Variants in FBN2 observed in about 807,000 individuals in gnomAD.
FBN2 encodes fibrillin 2.
A neutral mutation model predicts 355.6 loss-of-function variants in FBN2; 105 were observed. That is an observed-to-expected ratio of 0.30 (90% CI 0.25 to 0.35). FBN2 has a LOEUF of 0.35. Among genes scored for constraint, FBN2 ranks in the 10% least tolerant of loss-of-function variants. The pLI is 1.00. For synonymous variants in FBN2, 1,350 were observed against 1,301.2 expected, an observed-to-expected ratio of 1.04 and a Z score of -0.81; for missense variants, 3,280 against 3,758.7, an observed-to-expected ratio of 0.87 and a Z score of 3.33.
chr5:128,394,552 C>G (rs548782477), intron 9 of FBN2, among the ~76,000 whole-genome samples: 19 of 152,190 alleles, frequency 1.2e-4, no homozygotes, highest in Admixed American at 5.9e-4. Context: ...GATGAAAGAT[C>G]AGGAGGTTTA....
chr5:128,439,488 C>T (rs1753860968), intron 7 of FBN2, among the ~76,000 whole-genome samples: 1 of 152,104 alleles, frequency 6.6e-6, no homozygotes, highest in Non-Finnish European at 1.5e-5. Flanking sequence ...TCTAAATACA[C>T]TCTGCTTATA....
intron 7 of FBN2, among the ~76,000 whole-genome samples, chr5:128,433,287 C>T (rs984003355): frequency 6.6e-6 from 1 of 152,122 alleles, no homozygotes; most frequent in Non-Finnish European, 1.5e-5. Flanking sequence ...CTTCCTCTAT[C>T]AGAGGATTGG....
At chr5:128,401,901 AGAGGACT>A (rs1561438768) in intron 8 of FBN2, among the ~76,000 whole-genome samples, 1 of 152,356 alleles carries the variant, frequency 6.6e-6, no homozygotes, top group East Asian at 1.9e-4. Context: ...AGGCAGCAAC[AGAGGACT>A]GCAAAGTAAA....
At chr5:128,297,727 T>G (rs1263394206) in intron 48 of FBN2, among the ~76,000 whole-genome samples, 2 of 152,194 alleles carry the variant, frequency 1.3e-5, no homozygotes, top group Non-Finnish European at 2.9e-5. Context: ...AGCCTATGTG[T>G]GTCTCTGCCC....
intron 5 of FBN2, among the ~76,000 whole-genome samples, chr5:128,518,501 A>G (rs992095080): frequency 6.6e-6 from 1 of 152,100 alleles, no homozygotes; most frequent in Admixed American, 6.6e-5. Context: ...GGAAGCTTAA[A>G]TCATCTCCTG....
At chr5:128,534,523 G>A (rs549393406) in intron 2 of FBN2, among the ~76,000 whole-genome samples, 22 of 152,262 alleles carry the variant, frequency 1.4e-4, no homozygotes, top group Middle Eastern at 3.4e-3. Context: ...TTGTAGATAC[G>A]TCTTGACACA....
intron 5 of FBN2, among the ~76,000 whole-genome samples, chr5:128,485,191 T>G (rs1019562529): frequency 6.6e-6 from 1 of 151,986 alleles, no homozygotes; most frequent in East Asian, 1.9e-4. Flanking sequence ...GCACAGCTAA[T>G]TTTTTATTTT....
intron 5 of FBN2, among the ~76,000 whole-genome samples, chr5:128,499,353 G>T (rs999144780): frequency 4.6e-5 from 7 of 152,082 alleles, no homozygotes; most frequent in African/African-American, 1.7e-4. Context: ...AAAATGCCCT[G>T]GGGTACTTTG....
intron 7 of FBN2, among the ~76,000 whole-genome samples, chr5:128,438,671 T>C (rs1753838293): frequency 6.6e-6 from 1 of 152,196 alleles, no homozygotes; most frequent in South Asian, 2.1e-4. Context: ...ACAGAGGCTC[T>C]AACAGCTTTG....
intron 5 of FBN2, among the ~76,000 whole-genome samples, chr5:128,509,730 A>G (rs1311459674): frequency 6.6e-6 from 1 of 152,032 alleles, no homozygotes; most frequent in Non-Finnish European, 1.5e-5. Flanking sequence ...TAGATGTTTG[A>G]TCCTTTTAGC....
intron 34 of FBN2, among the ~76,000 whole-genome samples, chr5:128,321,680 T>C (rs1046478822): frequency 6.6e-6 from 1 of 152,232 alleles, no homozygotes; most frequent in African/African-American, 2.4e-5. Flanking sequence ...ATTTTCTTTA[T>C]CCAGTCTATC....
chr5:128,309,185 T>G, intron 41 of FBN2, 62 bp downstream of exon 41: 1 of 1,562,480 alleles, frequency 6.4e-7, no homozygotes, highest in Non-Finnish European at 8.8e-7. Context: ...TTGACTATAC[T>G]GTTAGATATA....
At chr5:128,353,935 G>A (rs1020557499) in intron 20 of FBN2, among the ~76,000 whole-genome samples, 18 of 152,078 alleles carry the variant, frequency 1.2e-4, no homozygotes, top group Non-Finnish European at 1.3e-4. Context: ...ATAGCACCCC[G>A]CACCCCCCTA....
chr5:128,525,211 C>G (rs1392444451), intron 4 of FBN2, among the ~76,000 whole-genome samples: 1 of 152,122 alleles, frequency 6.6e-6, no homozygotes, highest in Non-Finnish European at 1.5e-5. Context: ...TTCAGTGATT[C>G]TAATTTTCAT....
At chr5:128,384,934 C>T (rs573113137) in intron 11 of FBN2, among the ~76,000 whole-genome samples, 1 of 152,092 alleles carries the variant, frequency 6.6e-6, no homozygotes, top group Admixed American at 6.5e-5. Flanking sequence ...CTAGACAGTA[C>T]AAACAACTTT....
At chr5:128,383,587 CAGAG>C (rs1752291103) in intron 11 of FBN2, among the ~76,000 whole-genome samples, 1 of 152,002 alleles carries the variant, frequency 6.6e-6, no homozygotes, top group Non-Finnish European at 1.5e-5. Flanking sequence ...GACTTATATC[CAGAG>C]TAAACAAAGA....
chr5:128,351,506 C>T (rs1751366150), intron 20 of FBN2, among the ~76,000 whole-genome samples: 1 of 151,208 alleles, frequency 6.6e-6, no homozygotes, highest in African/African-American at 2.4e-5. Context: ...AAGATTGTGC[C>T]ATTGCACTCC....
intron 5 of FBN2, among the ~76,000 whole-genome samples, chr5:128,506,700 G>A (rs181788426): frequency 5.3e-4 from 80 of 152,198 alleles, no homozygotes; most frequent in African/African-American, 1.9e-3. Context: ...CAACAGAAGT[G>A]ACGAGAGTGA....
chr5:128,524,252 C>T (rs1396393497), intron 4 of FBN2, among the ~76,000 whole-genome samples: 2 of 152,090 alleles, frequency 1.3e-5, no homozygotes, highest in African/African-American at 2.4e-5. Context: ...GGCACAGACT[C>T]GGATCTGTGT....
Sources: allele counts gnomAD v4.1 joint callset (sites outside exome capture counted in the v4.1 genomes callset), GRCh38; gene constraint gnomAD v4.1.1; transcripts MANE v1.5; gene names NCBI Gene and HGNC (gene_info 2026-07-23, HGNC 2026-07-21).